The following KCNH1 variants were observed in gnomAD, a reference collection of about 807,000 sequenced individuals.
KCNH1 encodes voltage-gated delayed rectifier potassium channel KCNH1.
KCNH1 carries 27 observed loss-of-function variants against 69.2 expected under a neutral mutation model. That is an observed-to-expected ratio of 0.39 (90% CI 0.29 to 0.54). The LOEUF is 0.54. Among genes scored for constraint, KCNH1 ranks in the 20% least tolerant of loss-of-function variants. The probability of loss-of-function intolerance (pLI) is 0.68; values close to 1 mark genes in which losing one functional copy is unlikely to be tolerated. For missense variants in KCNH1, 798 were observed against 1,261.6 expected (o/e 0.63, Z 5.57); for synonymous variants, 456 against 487.7 (o/e 0.93, Z 0.86).
intron 7 of KCNH1, among the ~76,000 whole-genome samples, chr1:210,853,953 A>ACAAAAAAAAC (rs1553351794): frequency 1.4e-5 from 2 of 141,110 alleles, no homozygotes; most frequent in Non-Finnish European, 3.0e-5. Context: ...AGCCAAAAAA[A>ACAAAAAAAAC]AAAAAAAAAA....
At chr1:210,903,586 T>C (rs899458517) in intron 7 of KCNH1, among the ~76,000 whole-genome samples, 1 of 152,210 alleles carries the variant, frequency 6.6e-6, no homozygotes, top group African/African-American at 2.4e-5. Flanking sequence ...GAAATACCTA[T>C]GATGTACCTG....
intron 10 of KCNH1, among the ~76,000 whole-genome samples, chr1:210,742,366 C>A (rs114573952): frequency 0.012 from 1,762 of 152,198 alleles, 43 homozygotes; most frequent in African/African-American, 0.041. Context: ...GCACTGGAGC[C>A]CATGGTTTTT....
chr1:211,033,627 A>T (rs1304377802), intron 5 of KCNH1, among the ~76,000 whole-genome samples: 2 of 152,184 alleles, frequency 1.3e-5, no homozygotes, highest in African/African-American at 4.8e-5. Context: ...AAATGGATGA[A>T]ACTGGAAACC....
chr1:211,122,086 C>T (rs1691696424), intron 1 of KCNH1, among the ~76,000 whole-genome samples: 1 of 151,382 alleles, frequency 6.6e-6, no homozygotes, highest in African/African-American at 2.4e-5. Context: ...TGCAGTGAGC[C>T]AAGATCATGC....
chr1:210,947,031 G>C (rs1353248410), intron 6 of KCNH1, among the ~76,000 whole-genome samples: 1 of 152,162 alleles, frequency 6.6e-6, no homozygotes, highest in Admixed American at 6.5e-5. Context: ...GTAACTATTA[G>C]ACTGCTGAGG....
At chr1:211,018,086 G>A (rs1465972883) in intron 6 of KCNH1, among the ~76,000 whole-genome samples, 1 of 152,108 alleles carries the variant, frequency 6.6e-6, no homozygotes, top group Non-Finnish European at 1.5e-5. Flanking sequence ...CTCTGGACAA[G>A]CTGGCTCCCC....
At chr1:210,943,066 C>T (rs1429910718) in intron 6 of KCNH1, among the ~76,000 whole-genome samples, 2 of 152,164 alleles carry the variant, frequency 1.3e-5, no homozygotes, top group Non-Finnish European at 2.9e-5. Context: ...ATTCAATTCT[C>T]ACAACTATCC....
chr1:210,690,210 C>T (rs754929475), intron 10 of KCNH1, among the ~76,000 whole-genome samples: 7 of 152,134 alleles, frequency 4.6e-5, no homozygotes, highest in Non-Finnish European at 1.0e-4. Flanking sequence ...TGACAAAAAG[C>T]TGTCTAGAGT....
intron 1 of KCNH1, among the ~76,000 whole-genome samples, chr1:211,128,602 T>G (rs1382934484): frequency 6.6e-6 from 1 of 151,916 alleles, no homozygotes; most frequent in African/African-American, 2.4e-5. Context: ...ACTCTATTTC[T>G]TGACACAGGT....
intron 6 of KCNH1, among the ~76,000 whole-genome samples, chr1:210,921,700 T>C (rs1453399816): frequency 6.6e-6 from 1 of 152,204 alleles, no homozygotes; most frequent in Non-Finnish European, 1.5e-5. Context: ...AAGTGTGTTT[T>C]CTCTACATGC....
chr1:211,033,273 A>G (rs1026612862), intron 5 of KCNH1, among the ~76,000 whole-genome samples: 1 of 152,234 alleles, frequency 6.6e-6, no homozygotes, highest in Non-Finnish European at 1.5e-5. Flanking sequence ...CAGGTGCTGG[A>G]GAGGATGTGG....
At chr1:210,767,000 G>A (rs1340128) in intron 10 of KCNH1, among the ~76,000 whole-genome samples, 91,929 of 152,120 alleles carry the variant, frequency 0.6, 28,246 homozygotes, top group African/African-American at 0.65. Flanking sequence ...AGGCTAGAAT[G>A]AAAACCTCCA....
At chr1:211,111,575 C>T (rs1021198176) in intron 1 of KCNH1, among the ~76,000 whole-genome samples, 2 of 147,960 alleles carry the variant, frequency 1.4e-5, no homozygotes, top group African/African-American at 2.5e-5. Context: ...AAGTGAGGAG[C>T]GCCTCTGCCC....
intron 7 of KCNH1, among the ~76,000 whole-genome samples, chr1:210,821,974 C>T (rs61827582): frequency 6.6e-6 from 1 of 151,942 alleles, no homozygotes; most frequent in African/African-American, 2.4e-5. Flanking sequence ...GTTCCTGGGG[C>T]TACAGGTATG....
At chr1:210,765,828 G>T (rs61829491) in intron 10 of KCNH1, among the ~76,000 whole-genome samples, 26,544 of 152,156 alleles carry the variant, frequency 0.17, 3,056 homozygotes, top group Non-Finnish European at 0.26. Flanking sequence ...TTGGGAGGCC[G>T]AAGCAGGCAG....
chr1:211,115,227 G>A (rs1691548162), intron 1 of KCNH1, among the ~76,000 whole-genome samples: 1 of 152,144 alleles, frequency 6.6e-6, no homozygotes, highest in Non-Finnish European at 1.5e-5. Context: ...AACATCAAGT[G>A]ATCCACCGGC....
At chr1:210,813,149 A>T (rs1363358683) in intron 7 of KCNH1, among the ~76,000 whole-genome samples, 1 of 152,202 alleles carries the variant, frequency 6.6e-6, no homozygotes, top group African/African-American at 2.4e-5. Context: ...GTCAACTATC[A>T]TGACAGTTGA....
At chr1:210,708,685 A>G (rs576733916) in intron 10 of KCNH1, among the ~76,000 whole-genome samples, 45 of 152,192 alleles carry the variant, frequency 3.0e-4, no homozygotes, top group African/African-American at 1.1e-3. Context: ...CTGCAGTCGG[A>G]AATAACTAGT....
At chr1:210,951,894 C>T (rs1688068677) in intron 6 of KCNH1, among the ~76,000 whole-genome samples, 1 of 152,110 alleles carries the variant, frequency 6.6e-6, no homozygotes, top group African/African-American at 2.4e-5. Context: ...CTCCTTACTC[C>T]CTCATGCAAA....
Sources: gnomAD v4.1 joint callset for allele counts (sites outside exome capture counted in the v4.1 genomes callset) on GRCh38, gnomAD v4.1.1 for gene constraint, MANE v1.5 for transcripts, NCBI Gene and HGNC (gene_info 2026-07-23, HGNC 2026-07-21) for gene names.